The following BMPR1B variants were observed in gnomAD, a reference collection of about 807,000 sequenced individuals.
The protein encoded by BMPR1B is bone morphogenetic protein receptor type 1B.
A neutral mutation model predicts 59.1 loss-of-function variants in BMPR1B; 12 were observed. That is an observed-to-expected ratio of 0.20 (90% CI 0.13 to 0.33). The LOEUF (loss-of-function observed/expected upper bound fraction) is 0.33. BMPR1B is among the 10% of genes least tolerant of loss of function. The pLI, the probability that BMPR1B is intolerant of heterozygous loss-of-function variation, is 1.00. For missense variants in BMPR1B, 550 were observed against 610.9 expected, an observed-to-expected ratio of 0.90 and a Z score of 1.05; for synonymous variants, 237 against 207.3, an observed-to-expected ratio of 1.14 and a Z score of -1.23.
intron 2 of BMPR1B, among the ~76,000 whole-genome samples, chr4:94,949,467 C>T (rs1729847968): frequency 9.3e-6 from 1 of 107,752 alleles, no homozygotes; most frequent in Non-Finnish European, 2.0e-5. Flanking sequence ...CAGGCGCCTG[C>T]CACCGCGCCC....
chr4:94,893,836 A>G (rs980952792), intron 2 of BMPR1B, among the ~76,000 whole-genome samples: 1 of 152,048 alleles, frequency 6.6e-6, no homozygotes, highest in Admixed American at 6.6e-5. Context: ...GCTGCGTGGC[A>G]GTGTTTGAAA....
chr4:94,914,631 G>A (rs1022520369), intron 2 of BMPR1B, among the ~76,000 whole-genome samples: 2 of 152,072 alleles, frequency 1.3e-5, no homozygotes, highest in Non-Finnish European at 2.9e-5. Flanking sequence ...TGGTTTTAGT[G>A]GATACAGTTG....
At chr4:94,777,738 A>C (rs1398769400) in intron 1 of BMPR1B, among the ~76,000 whole-genome samples, 2 of 152,122 alleles carry the variant, frequency 1.3e-5, no homozygotes, top group South Asian at 2.1e-4. Flanking sequence ...AAAATATAGA[A>C]GTTTTGGCCG....
At chr4:95,129,506 C>T (rs1446691454) in intron 8 of BMPR1B, among the ~76,000 whole-genome samples, 6 of 152,012 alleles carry the variant, frequency 3.9e-5, no homozygotes, top group Non-Finnish European at 8.8e-5. Context: ...TGTATGGTGA[C>T]GAGTCTCTTC....
rs750737608 is a variant in BMPR1B at position 95,125,129 on chromosome 4, A to G, written c.585+8A>G. The G allele has an allele frequency of 6.2e-7, 1 of 1,613,534 alleles. No individual in the cohort carries two copies. The highest frequency in any genetic ancestry group is 2.2e-5 in the East Asian group (1 of 44,854). On this transcript the variant is annotated splice_region_variant and intron_variant, in intron 8 of 12. Coordinates refer to ENST00000515059, the MANE Select transcript of BMPR1B (RefSeq NM_001203.3). ...TCAGGCCTCCCTCTGCTGGTATGAG[A>G]AGAACACATCTTGAATTTAAAGGAA...
chr4:95,150,686 G>A (rs1227113344), intron 11 of BMPR1B, among the ~76,000 whole-genome samples: 1 of 152,164 alleles, frequency 6.6e-6, no homozygotes, highest in East Asian at 1.9e-4. Context: ...TATATAAACA[G>A]CAGGGTATTA....
chr4:94,759,983 A>G (rs1721697560), intron 1 of BMPR1B, among the ~76,000 whole-genome samples: 1 of 152,168 alleles, frequency 6.6e-6, no homozygotes, highest in Admixed American at 6.5e-5. Context: ...AACTTGATAC[A>G]GTGTGTTATT....
At chr4:94,914,544 C>A (rs545890061) in intron 2 of BMPR1B, among the ~76,000 whole-genome samples, 108 of 152,096 alleles carry the variant, frequency 7.1e-4, no homozygotes, top group African/African-American at 2.6e-3. Flanking sequence ...AGTATGCATG[C>A]AAAGGAAGGA....
intron 3 of BMPR1B, among the ~76,000 whole-genome samples, chr4:95,033,463 T>C (rs1725024476): frequency 6.6e-6 from 1 of 152,194 alleles, no homozygotes; most frequent in Admixed American, 6.6e-5. Context: ...AGGTAATTTT[T>C]CCATTATGGT....
chr4:94,791,242 G>A (rs979317589), intron 1 of BMPR1B, among the ~76,000 whole-genome samples: 5 of 152,138 alleles, frequency 3.3e-5, no homozygotes, highest in African/African-American at 9.7e-5. Context: ...ACCTGCCTTG[G>A]CCTCCCAAAG....
At chr4:94,854,117 T>A (rs1725666492) in intron 1 of BMPR1B, among the ~76,000 whole-genome samples, 1 of 113,404 alleles carries the variant, frequency 8.8e-6, no homozygotes, top group African/African-American at 4.0e-5. Flanking sequence ...AGGACTACTG[T>A]GAAGCTCTCT....
rs192746908 is a variant in BMPR1B at position 94,852,515 on chromosome 4, A to G, written c.-182-23316A>G. Reference sequence around the variant, plus strand: ...TAAGATGTTGCTTTTTCTAGTTCCAAATGGTTGTCATGGTAACAAAAGTAC... The same window carrying G: ...TAAGATGTTGCTTTTTCTAGTTCCAGATGGTTGTCATGGTAACAAAAGTAC... On this transcript the variant is annotated intron_variant, in intron 1 of 12. Transcript: ENST00000515059. Among the ~76,000 whole-genome samples the G allele has an allele frequency of 3.5e-4, 53 of 152,238 alleles. No homozygotes were observed. The East Asian group carries it at 9.7e-3, about 28-fold the overall frequency.
chr4:95,122,736 T>TA (rs11358627), intron 6 of BMPR1B, among the ~76,000 whole-genome samples: 1 of 152,056 alleles, frequency 6.6e-6, no homozygotes, highest in Admixed American at 6.6e-5. Context: ...TACTTCTGAG[T>TA]AAAAAAAGTT....
chr4:94,758,522 C>CCGGCTGGG lies in BMPR1B; in HGVS notation c.-183+458_-183+459insTGGGCGGC, dbSNP rs369543484. 7.7e-3 allele frequency among the ~76,000 whole-genome samples: 1,164 copies of CCGGCTGGG among 151,850 alleles called. 12 individuals are homozygous for CCGGCTGGG. Among genetic ancestry groups the CCGGCTGGG allele is most frequent in the African/African-American group, 0.027 (1,115 of 41,452 alleles). ...CGGAATCCGGGAAATGGGAGGGAGC[C>CCGGCTGGG]CGGCGGGGCGGGGGCCCAGGGCCAG... is the stretch of plus-strand genomic sequence containing the variant. On this transcript the variant is annotated intron_variant, in intron 1 of 12. Transcript: ENST00000515059.
chr4:95,103,320 A>C (rs1730959935), intron 3 of BMPR1B: 2 of 272,936 alleles, frequency 7.3e-6, no homozygotes, highest in African/African-American at 4.6e-5. Flanking sequence ...AATATGTGGC[A>C]TATCTTATAC....
At chr4:94,982,917 G>A (rs897220118) in intron 2 of BMPR1B, among the ~76,000 whole-genome samples, 13 of 151,942 alleles carry the variant, frequency 8.6e-5, no homozygotes, top group South Asian at 2.1e-4. Context: ...CCCGGGAGGC[G>A]GAGATTGTCG....
At chr4:94,826,092 T>C (rs1724372204) in intron 1 of BMPR1B, among the ~76,000 whole-genome samples, 1 of 152,228 alleles carries the variant, frequency 6.6e-6, no homozygotes, top group South Asian at 2.1e-4. Flanking sequence ...CATATTTTTA[T>C]TTGTTTATTT....
At chr4:94,816,648 A>C (rs767622936) in intron 1 of BMPR1B, among the ~76,000 whole-genome samples, 2 of 152,202 alleles carry the variant, frequency 1.3e-5, no homozygotes, top group Non-Finnish European at 2.9e-5. Context: ...AAATGAATAT[A>C]TGAAATACTT....
intron 1 of BMPR1B, among the ~76,000 whole-genome samples, chr4:94,812,585 C>T (rs1329054182): frequency 2.0e-5 from 3 of 152,128 alleles, no homozygotes; most frequent in African/African-American, 7.2e-5. Flanking sequence ...CTCATTATAT[C>T]AATGAGATAA....
Sources: gnomAD v4.1 joint callset for allele counts (sites outside exome capture counted in the v4.1 genomes callset) on GRCh38, gnomAD v4.1.1 for gene constraint, MANE v1.5 for transcripts, NCBI Gene and HGNC (gene_info 2026-07-23, HGNC 2026-07-21) for gene names.